The following RNF220 variants were observed in gnomAD, a reference collection of about 807,000 sequenced individuals.
RNF220 encodes the protein ring finger protein 220, also known as E3 ubiquitin-protein ligase RNF220.
Under a neutral mutation model 67.1 loss-of-function variants are expected in RNF220, and 7 were observed. The ratio of observed to expected loss-of-function variants is 0.10; its 90% CI spans 0.06 to 0.20. RNF220 has a LOEUF of 0.20. Among genes scored for constraint, RNF220 ranks in the 10% least tolerant of loss-of-function variants. The pLI, the probability that RNF220 is intolerant of heterozygous loss-of-function variation, is 1.00. For synonymous variants in RNF220, 270 were observed against 283.2 expected, an observed-to-expected ratio of 0.95 and a Z score of 0.47; for missense variants, 565 against 740.3, an observed-to-expected ratio of 0.76 and a Z score of 2.75.
At chr1:44,579,202 A>G (rs958516913) in intron 2 of RNF220, among the ~76,000 whole-genome samples, 2 of 152,048 alleles carry the variant, frequency 1.3e-5, no homozygotes, top group Non-Finnish European at 2.9e-5. Flanking sequence ...TGCAATCTTC[A>G]TAACAACCAA....
intron 2 of RNF220, among the ~76,000 whole-genome samples, chr1:44,556,476 GC>G (rs1663090313): frequency 6.6e-6 from 1 of 150,538 alleles, no homozygotes; most frequent in South Asian, 2.1e-4. Context: ...TGGTAAACCT[GC>G]CCTCTTTTTA....
Position 44,622,330 on chromosome 1 carries a change from T to C in RNF220, c.759-412T>C, listed in dbSNP as rs367999999. 5.5e-4 allele frequency among the ~76,000 whole-genome samples: 83 copies of C among 152,156 alleles called. No homozygotes were observed. The highest frequency in any genetic ancestry group is 9.4e-4 in the African/African-American group (39 of 41,420). ...AGTTTGCAGCATGTTGGAGGGAGAATTGACAAGAGCCCTGTCAGCTCCATC... is the reference window on the plus strand; with the variant it reads ...AGTTTGCAGCATGTTGGAGGGAGAACTGACAAGAGCCCTGTCAGCTCCATC... On this transcript the variant is annotated intron_variant, in intron 3 of 14. Transcript: ENST00000361799. This position sits in a 1 kb window ranked among gnomAD's most constrained non-coding sequence, Gnocchi z 4.3.
At chr1:44,446,719 C>T (rs1227054290) in intron 2 of RNF220, among the ~76,000 whole-genome samples, 3 of 152,116 alleles carry the variant, frequency 2.0e-5, no homozygotes, top group Non-Finnish European at 4.4e-5. Flanking sequence ...CCACCACGCC[C>T]AGCTAATTTT....
At chr1:44,532,749 C>G (rs188086276) in intron 2 of RNF220, among the ~76,000 whole-genome samples, 61 of 152,274 alleles carry the variant, frequency 4.0e-4, no homozygotes, top group African/African-American at 1.5e-3. Context: ...TCATTATCTC[C>G]GTTAAGCCCC....
intron 2 of RNF220, among the ~76,000 whole-genome samples, chr1:44,444,287 G>T (rs1322960113): frequency 6.6e-6 from 1 of 152,084 alleles, no homozygotes; most frequent in Non-Finnish European, 1.5e-5. Context: ...TGTATTTTGG[G>T]ACGTTCAAAT....
chr1:44,478,181 T>C (rs1275500843), intron 2 of RNF220, among the ~76,000 whole-genome samples: 1 of 152,106 alleles, frequency 6.6e-6, no homozygotes, highest in East Asian at 1.9e-4. Context: ...GGTTTCACCA[T>C]GTTAGCCAGT....
chr1:44,429,805 C>G (rs1650167817), intron 2 of RNF220, among the ~76,000 whole-genome samples: 1 of 152,134 alleles, frequency 6.6e-6, no homozygotes, highest in Non-Finnish European at 1.5e-5. Context: ...GAGGGCCTTT[C>G]AACAATGTCT....
At chr1:44,590,018 G>T (rs1320221855) in intron 2 of RNF220, among the ~76,000 whole-genome samples, 1 of 152,182 alleles carries the variant, frequency 6.6e-6, no homozygotes, top group African/African-American at 2.4e-5. Flanking sequence ...AAGGTCATGG[G>T]CCCAAGGCAA....
chr1:44,555,194 T>C (rs1417808727), intron 2 of RNF220, among the ~76,000 whole-genome samples: 1 of 151,856 alleles, frequency 6.6e-6, no homozygotes, highest in Non-Finnish European at 1.5e-5. Flanking sequence ...CAACCTCCTG[T>C]GTAGTTGGAA....
intron 2 of RNF220, among the ~76,000 whole-genome samples, chr1:44,580,030 CAAAAAAAA>C (rs61499825): frequency 4.4e-4 from 29 of 65,262 alleles, no homozygotes; most frequent in South Asian, 1.7e-3. Flanking sequence ...CCCTGTCTCA[CAAAAAAAA>C]AAAAAAAAAA....
At chr1:44,613,551 C>T (rs1048700741) in intron 2 of RNF220, among the ~76,000 whole-genome samples, 5 of 152,032 alleles carry the variant, frequency 3.3e-5, no homozygotes, top group Admixed American at 6.6e-5. Context: ...GGCCAGGATT[C>T]GAAACCAGCC....
chr1:44,499,924 A>C (rs1040493794), intron 2 of RNF220, among the ~76,000 whole-genome samples: 2 of 151,684 alleles, frequency 1.3e-5, no homozygotes, highest in Non-Finnish European at 2.9e-5. Flanking sequence ...GTTATCCTGG[A>C]CTCTGGTCTC....
chr1:44,525,151 CT>C (rs1190408460), intron 2 of RNF220, among the ~76,000 whole-genome samples: 1 of 152,164 alleles, frequency 6.6e-6, no homozygotes, highest in Non-Finnish European at 1.5e-5. Context: ...ATGTAGCAAT[CT>C]TTTTTACTGT....
chr1:44,539,696 T>TC (rs946921441), intron 2 of RNF220, among the ~76,000 whole-genome samples: 2 of 152,158 alleles, frequency 1.3e-5, no homozygotes, highest in African/African-American at 4.8e-5. Flanking sequence ...TACTAAGCTC[T>TC]CCCCAAAATC....
chr1:44,626,564 A>T, intron 5 of RNF220, 166 bp downstream of exon 5: 1 of 612,820 alleles, frequency 1.6e-6, no homozygotes, highest in Non-Finnish European at 2.9e-6. Flanking sequence ...CAGGAGGCAT[A>T]CGTGTCAGGG....
chr1:44,411,891 AGGATG>A, intron 1 of RNF220, 85 bp from the exon 2 acceptor site: 1 of 561,914 alleles, frequency 1.8e-6, no homozygotes, highest in Non-Finnish European at 3.1e-6. Flanking sequence ...GTGAGCCAGA[AGGATG>A]GTGTTTCGAT....
intron 2 of RNF220, among the ~76,000 whole-genome samples, chr1:44,495,570 G>A (rs1657270041): frequency 6.6e-6 from 1 of 152,118 alleles, no homozygotes; most frequent in South Asian, 2.1e-4. Flanking sequence ...AGTTAGCCAG[G>A]GATTACAGGT....
At chr1:44,598,992 G>A (rs1666733946) in intron 2 of RNF220, among the ~76,000 whole-genome samples, 1 of 151,112 alleles carries the variant, frequency 6.6e-6, no homozygotes, top group South Asian at 2.1e-4. Flanking sequence ...ACATTCTCCT[G>A]CAGGCCTTTC....
intron 2 of RNF220, among the ~76,000 whole-genome samples, chr1:44,492,182 C>T (rs1396779067): frequency 2.0e-5 from 3 of 152,172 alleles, no homozygotes; most frequent in Admixed American, 2.0e-4. Flanking sequence ...TATCTTTAGT[C>T]ATCAGGGAAA....
Sources: gnomAD v4.1 joint callset for allele counts (sites outside exome capture counted in the v4.1 genomes callset) on GRCh38, gnomAD v4.1.1 for gene constraint, Gnocchi (gnomAD v3.1) non-coding constraint, MANE v1.5 for transcripts, NCBI Gene and HGNC (gene_info 2026-07-23, HGNC 2026-07-21) for gene names.